Variants in ZXDC observed in about 807,000 individuals in gnomAD.
ZXDC encodes the protein ZXD family zinc finger C, also known as zinc finger protein ZXDC.
ZXDC carries 58 observed loss-of-function variants against 63.6 expected under a neutral mutation model. That is an observed-to-expected ratio of 0.91 (90% CI 0.74 to 1.13). ZXDC has a LOEUF of 1.13. Among genes scored for constraint, ZXDC ranks in the 50% most tolerant of loss-of-function variants. ZXDC has a pLI of 0.00. For synonymous variants in ZXDC, 561 were observed against 496.1 expected (o/e 1.13, Z -1.74); for missense variants, 1,133 against 1,148.9 (o/e 0.99, Z 0.20).
chr3:126,468,287 C>T (rs1054413359), intron 4 of ZXDC, among the ~76,000 whole-genome samples: 1 of 151,636 alleles, frequency 6.6e-6, no homozygotes, highest in African/African-American at 2.4e-5. Context: ...TACTTCTGGT[C>T]TGTGGCCTTG....
At chr3:126,442,746 G>A (rs183923584) in intron 7 of ZXDC, 35 of 152,310 alleles carry the variant, frequency 2.3e-4, no homozygotes, top group Admixed American at 2.3e-3. Context: ...TTTAGGCACT[G>A]TCACTGCTCT....
At chr3:126,450,879 G>A (rs1456567241) in intron 7 of ZXDC, among the ~76,000 whole-genome samples, 1 of 152,206 alleles carries the variant, frequency 6.6e-6, no homozygotes, top group Non-Finnish European at 1.5e-5. Flanking sequence ...GCCCATAGGG[G>A]CCCACTCCCT....
chr3:126,459,717 T>G lies in ZXDC; in HGVS notation c.2148A>C (p.Arg716Ser). ...NFYLESGGSA[R>S]TDYRAIQLAK... ...CTAGTTGAATGGCTCGGTAATCAGT[T>G]CTTGCTGAGCCCCCACTTTCCTGAG... is the stretch of plus-strand genomic sequence containing the variant. Residue 716 changes from arginine (R) to serine (S), a missense_variant, in exon 7 of 10, where the codon AGA becomes AGC. Coordinates refer to ENST00000389709, the MANE Select transcript of ZXDC (RefSeq NM_025112.5). The G allele has an allele frequency of 6.2e-7, 1 of 1,614,214 alleles. No homozygotes were observed.
chr3:126,463,230 G>A (rs1455546857), intron 5 of ZXDC, among the ~76,000 whole-genome samples: 3 of 152,050 alleles, frequency 2.0e-5, no homozygotes, highest in Non-Finnish European at 4.4e-5. Context: ...CACTATGCCC[G>A]GCTAATTTTT....
chr3:126,469,746 C>T (rs1934907333), intron 4 of ZXDC, among the ~76,000 whole-genome samples: 1 of 152,252 alleles, frequency 6.6e-6, no homozygotes, highest in Non-Finnish European at 1.5e-5. Flanking sequence ...AGGCCGTTCT[C>T]ACCCCGGTCT....
At chr3:126,472,379 CA>C in intron 1 of ZXDC, 74 bp from the exon 2 acceptor site, 1 of 1,545,102 alleles carries the variant, frequency 6.5e-7, no homozygotes, top group Non-Finnish European at 8.8e-7. Context: ...TAGTCACACC[CA>C]CCAGACCCTG....
At position 126,475,668 on chromosome 3, in the gene ZXDC, G is replaced by A; in HGVS notation, c.198C>T (p.Ala66=). The A allele has an allele frequency of 1.4e-6, 2 of 1,414,700 alleles. No homozygotes were observed. The highest frequency in any genetic ancestry group is 9.3e-7 in the Non-Finnish European group (1 of 1,080,382). 87.6% of individuals were successfully genotyped at this position (1,414,700 alleles called of 1,614,324 possible). Reference sequence around the variant, plus strand: ...AAGAGTCGCCGTCGCTGTCGTCCTCGGCGGGCGGCGGGCTTGGCCCGGAGG... The same window carrying A: ...AAGAGTCGCCGTCGCTGTCGTCCTCAGCGGGCGGCGGGCTTGGCCCGGAGG... ...GEASGPSPPP[A]EDDSDGDSFL... The change falls in exon 1 of 10, where the codon GCC becomes GCT. Residue 66 remains alanine, a synonymous_variant. Transcript: ENST00000389709.
At chr3:126,448,469 C>T (rs1160627052) in intron 7 of ZXDC, among the ~76,000 whole-genome samples, 1 of 152,158 alleles carries the variant, frequency 6.6e-6, no homozygotes, top group African/African-American at 2.4e-5. Flanking sequence ...ACTGACAGGA[C>T]CCCAAAGTGT....
chr3:126,453,429 A>G (rs189388436), intron 7 of ZXDC: 2 of 985,476 alleles, frequency 2.0e-6, no homozygotes, highest in East Asian at 1.1e-4. Flanking sequence ...CTCTGTTCTG[A>G]TAGGAAGACA....
Position 126,472,158 on chromosome 3 carries a change from T to C in ZXDC, c.1055A>G (p.His352Arg), listed in dbSNP as rs1168822162. 1.9e-6 allele frequency: 3 copies of C among 1,610,072 alleles called. No homozygotes were observed. The change falls in exon 2 of 10, where the codon CAT (histidine) becomes CGT (arginine). Residue 352 changes from histidine to arginine, a missense_variant. His to Arg is a conservative substitution (Grantham distance 29, BLOSUM62 0). Coordinates refer to ENST00000389709, the MANE Select transcript of ZXDC (RefSeq NM_025112.5). The stretch of plus-strand genomic sequence containing the variant: ...TGCGTTCCCTAGCTCATTACCTGTA[T>C]GGCTCCGCAGGTGAATTTTCAGCCG... The part of the protein sequence containing the change: ...ACRLKIHLRS[H>R]TGERPFICDS...
At position 126,444,449 on chromosome 3, in the gene ZXDC, A is replaced by G. The variant is rs545283287; in HGVS notation, c.2213-2503T>C. Among the ~76,000 whole-genome samples the G allele has an allele frequency of 2.2e-3, 341 of 151,954 alleles. 5 individuals are homozygous for G. Among genetic ancestry groups the G allele is most frequent in the Non-Finnish European group, 3.5e-3 (239 of 67,924 alleles). On this transcript the variant is annotated intron_variant, in intron 7 of 9. Coordinates refer to ENST00000389709, the MANE Select transcript of ZXDC (RefSeq NM_025112.5). ...CGGGAGGCTGAGGCAGGAGAATGGCATGAACCCAGGAGGCAGAGCTTGCAG... is the reference window on the plus strand; with the variant it reads ...CGGGAGGCTGAGGCAGGAGAATGGCGTGAACCCAGGAGGCAGAGCTTGCAG...
intron 9 of ZXDC, among the ~76,000 whole-genome samples, chr3:126,438,889 G>A (rs1933564319): frequency 6.6e-6 from 1 of 152,176 alleles, no homozygotes; most frequent in Non-Finnish European, 1.5e-5. Context: ...TACAAGAAGT[G>A]TTCCTGCTGT....
At position 126,475,597 on chromosome 3, in the gene ZXDC, G is replaced by A; in HGVS notation, c.269C>T (p.Ala90Val). ...AGGCTCGGCCTCCTGTGATCCGGCA[G>A]CCTCGGCGGCAGCGCCGCCGTGCGG... The part of the protein sequence containing the change: ...EVPHGGAAAE[A>V]AGSQEAEPGS... Residue 90 changes from alanine to valine, a missense_variant, in exon 1 of 10, where the codon GCT becomes GTT. Coordinates refer to ENST00000389709, the MANE Select transcript of ZXDC (RefSeq NM_025112.5). 1 of 1,468,502 alleles carries A rather than the reference G, an allele frequency of 6.8e-7. No homozygotes were observed. The allele number at this position is 1,468,502 out of a possible 1,614,324, so 91.0% of individuals were successfully genotyped here. A position where few individuals can be genotyped will look rare whatever the true frequency, so the allele number is the denominator to read the frequency against.
rs760532653 is a variant in ZXDC, at chr3:126,475,696, T to TCCCCGGGCCGCG, written c.158_169dup (p.Ala53_Gly56dup). The stretch of plus-strand genomic sequence containing the variant: ...GGGCGGCGGGCTTGGCCCGGAGGCC[T>TCCCCGGGCCGCG]CCCCGGGCCGCGCCCCGGGCCCGCC... On this transcript the variant is annotated inframe_insertion, in exon 1 of 10. Transcript: ENST00000389709. The TCCCCGGGCCGCG allele has an allele frequency of 6.9e-6, 9 of 1,302,196 alleles. No homozygotes were observed. Among genetic ancestry groups the TCCCCGGGCCGCG allele is most frequent in the Non-Finnish European group, 8.8e-6 (9 of 1,027,612 alleles). 80.7% of individuals were successfully genotyped at this position (1,302,196 alleles called of 1,614,324 possible).
chr3:126,452,405 C>T (rs1266958976), intron 7 of ZXDC: 2 of 985,312 alleles, frequency 2.0e-6, no homozygotes, highest in Non-Finnish European at 2.4e-6. Flanking sequence ...GCTCTGCCAT[C>T]GAGACAGGTG....
intron 5 of ZXDC, among the ~76,000 whole-genome samples, chr3:126,465,740 C>T (rs919729542): frequency 2.0e-5 from 3 of 152,106 alleles, no homozygotes; most frequent in Admixed American, 1.3e-4. Flanking sequence ...TGCTTAAGGC[C>T]AGCAGTTCAA....
rs765343298 is a variant in ZXDC, at chr3:126,441,864, C to T, written c.2295G>A (p.Leu765=). The part of the protein sequence containing the change: ...PHFHASQNSW[L]CGSLVVPSGG... ...CGCTGGGCACCACGAGGCTCCCACA[C>T]AACCAACTGTTCTGGCTTGCATGGA... The change falls in exon 8 of 10, where the codon TTG becomes TTA. Residue 765 remains leucine, a synonymous_variant. Transcript: ENST00000389709. 1.9e-6 allele frequency: 3 copies of T among 1,613,872 alleles called. No homozygotes were observed. The highest frequency in any genetic ancestry group is 2.7e-5 in the African/African-American group (2 of 74,952).
intron 7 of ZXDC, among the ~76,000 whole-genome samples, chr3:126,457,872 C>A (rs1934368391): frequency 6.6e-6 from 1 of 152,154 alleles, no homozygotes; most frequent in Non-Finnish European, 1.5e-5. Flanking sequence ...CCAGATCTAA[C>A]CACTAAACGT....
chr3:126,472,856 T>C (rs1355905457), intron 1 of ZXDC, among the ~76,000 whole-genome samples: 1 of 152,194 alleles, frequency 6.6e-6, no homozygotes, highest in Non-Finnish European at 1.5e-5. Flanking sequence ...GGTTCCCTGC[T>C]TTGTAATCTT....
Sources: allele counts gnomAD v4.1 joint callset (sites outside exome capture counted in the v4.1 genomes callset), GRCh38; gene constraint gnomAD v4.1.1; transcripts MANE v1.5; gene names NCBI Gene and HGNC (gene_info 2026-07-23, HGNC 2026-07-21).